MAP4K3: variants seen among roughly 807,000 people sequenced by gnomAD.
MAP4K3 encodes the protein MAPK/ERK kinase kinase kinase 3.
A neutral mutation model predicts 143.5 loss-of-function variants in MAP4K3; 94 were observed. That is an observed-to-expected ratio of 0.65 (90% CI 0.55 to 0.78). The LOEUF (loss-of-function observed/expected upper bound fraction) is 0.78, where lower values mean the gene tolerates loss of function less well. MAP4K3 is among the 30% of genes least tolerant of loss of function. The pLI, the probability that MAP4K3 is intolerant of heterozygous loss-of-function variation, is 0.00. For missense variants in MAP4K3, 1,077 were observed against 1,068.1 expected, an observed-to-expected ratio of 1.01 and a Z score of -0.12; for synonymous variants, 416 against 347.2, an observed-to-expected ratio of 1.20 and a Z score of -2.20.
At position 39,272,317 on chromosome 2, in the gene MAP4K3, G is replaced by C; in HGVS notation, c.1939C>G (p.Pro647Ala). The C allele has an allele frequency of 6.2e-7, 1 of 1,613,656 alleles. No individual in the cohort carries two copies. Among genetic ancestry groups the C allele is most frequent in the Non-Finnish European group, 8.5e-7 (1 of 1,179,744 alleles). The part of the protein sequence containing the change: ...RQMQKLPVAI[P>A]AHKLPDRILP... ...ATTCTGTCAGGGAGTTTGTGTGCTGGAATAGCAACAGGTAACTTTTGCATT... is the reference window on the plus strand; with the variant it reads ...ATTCTGTCAGGGAGTTTGTGTGCTGCAATAGCAACAGGTAACTTTTGCATT... Residue 647 changes from proline to alanine, a missense_variant, in exon 26 of 34, where the codon CCA becomes GCA. Pro to Ala is a conservative substitution (Grantham distance 27). Around this residue, in one of 2 missense-constraint regions of MAP4K3, gnomAD observed 864 missense variants for 801.2 expected, o/e 1.08. Transcript: ENST00000263881.
chr2:39,390,630 T>A (rs2148594835), intron 1 of MAP4K3, among the ~76,000 whole-genome samples: 1 of 152,206 alleles, frequency 6.6e-6, no homozygotes, highest in East Asian at 1.9e-4. Flanking sequence ...TGAGAAAAAG[T>A]CTAGCAACAG....
chr2:39,305,830 AT>A (rs1227094657), intron 15 of MAP4K3, among the ~76,000 whole-genome samples: 11,169 of 144,330 alleles, frequency 0.077, 580 homozygotes, highest in African/African-American at 0.16. Context: ...AGTATTTGTA[AT>A]TTTTTTTTTT....
intron 19 of MAP4K3, among the ~76,000 whole-genome samples, chr2:39,289,294 A>G (rs1573101332): frequency 6.6e-6 from 1 of 152,338 alleles, no homozygotes; most frequent in East Asian, 1.9e-4. Context: ...TACTTGCATG[A>G]ATCAGGATTT....
intron 2 of MAP4K3, among the ~76,000 whole-genome samples, chr2:39,360,544 C>T (rs1047094053): frequency 6.6e-6 from 1 of 152,144 alleles, no homozygotes. Flanking sequence ...AGCAGCACCC[C>T]ACTCCTGGTA....
At chr2:39,290,961 C>T (rs948035882) in intron 18 of MAP4K3, among the ~76,000 whole-genome samples, 6 of 151,964 alleles carry the variant, frequency 3.9e-5, no homozygotes, top group African/African-American at 1.2e-4. Flanking sequence ...TGCCTGTAGT[C>T]CCAGCAGGAG....
chr2:39,384,717 A>C (rs1173843530), intron 1 of MAP4K3, among the ~76,000 whole-genome samples: 2 of 152,242 alleles, frequency 1.3e-5, no homozygotes, highest in African/African-American at 4.8e-5. Flanking sequence ...ATTTTGTTTA[A>C]TTGTACGTGT....
At chr2:39,430,286 A>G (rs1665245746) in intron 1 of MAP4K3, among the ~76,000 whole-genome samples, 1 of 152,196 alleles carries the variant, frequency 6.6e-6, no homozygotes, top group Admixed American at 6.5e-5. Context: ...AGCTTAAACA[A>G]ACAAAATAAG....
intron 2 of MAP4K3, among the ~76,000 whole-genome samples, chr2:39,366,448 A>T (rs1003672517): frequency 6.6e-6 from 1 of 152,234 alleles, no homozygotes; most frequent in African/African-American, 2.4e-5. Context: ...GCGTCTCTTC[A>T]GACGTAAATG....
At chr2:39,369,052 G>C (rs1210076097) in intron 2 of MAP4K3, among the ~76,000 whole-genome samples, 1 of 152,032 alleles carries the variant, frequency 6.6e-6, no homozygotes, top group African/African-American at 2.4e-5. Flanking sequence ...ACAGTAACAT[G>C]TCTTCTCACC....
At chr2:39,378,173 AGT>A in intron 1 of MAP4K3, 50 bp from the exon 2 acceptor site, 1 of 1,053,822 alleles carries the variant, frequency 9.5e-7, no homozygotes, top group Non-Finnish European at 1.4e-6. Context: ...TTTCATAAAA[AGT>A]GTATAAAATT....
chr2:39,263,426 T>C (rs1389207332), intron 28 of MAP4K3, among the ~76,000 whole-genome samples: 2 of 137,932 alleles, frequency 1.4e-5, no homozygotes, highest in African/African-American at 5.4e-5. Context: ...GCGCCCACCA[T>C]CACGCCCGGC....
intron 33 of MAP4K3, among the ~76,000 whole-genome samples, chr2:39,251,627 G>T (rs745465060): frequency 1.3e-5 from 2 of 152,302 alleles, no homozygotes; most frequent in East Asian, 3.9e-4. Context: ...AACTAGTACT[G>T]ACAGATCCAT....
intron 24 of MAP4K3, among the ~76,000 whole-genome samples, chr2:39,275,590 T>G (rs1466236971): frequency 6.6e-6 from 1 of 152,214 alleles, no homozygotes; most frequent in Non-Finnish European, 1.5e-5. Flanking sequence ...GTTACCAATA[T>G]TATTTTTGGA....
chr2:39,251,920 T>C, intron 32 of MAP4K3, 35 bp from the exon 33 acceptor site: 9 of 1,520,078 alleles, frequency 5.9e-6, no homozygotes, highest in Non-Finnish European at 8.2e-6. Context: ...ATTTCTGAAA[T>C]TAAAGACACA....
rs1337210009 is a variant in MAP4K3 at position 39,325,592 on chromosome 2, C to T, written c.844G>A (p.Ala282Thr). ...FVTQHLTRSLAIELLDKVNNP... is the reference protein window; with the variant it reads ...FVTQHLTRSLTIELLDKVNNP... Reference sequence around the variant, plus strand: ...TTTACTTTATCCAACAGCTCGATTGCCAAAGACCGTGTCAAATGTTGTGTT... The same window carrying T: ...TTTACTTTATCCAACAGCTCGATTGTCAAAGACCGTGTCAAATGTTGTGTT... Residue 282 changes from alanine to threonine, a missense_variant, in exon 12 of 34, where the codon GCA becomes ACA. Coordinates refer to ENST00000263881, the MANE Select transcript of MAP4K3 (RefSeq NM_003618.4). 6.2e-7 allele frequency: 1 copy of T among 1,613,132 alleles called. No individual in the cohort carries two copies. The highest frequency in any genetic ancestry group is 1.7e-5 in the Admixed American group (1 of 60,000).
chr2:39,288,089 G>A (rs1174238851), intron 20 of MAP4K3, 32 bp downstream of exon 20: 2 of 1,610,424 alleles, frequency 1.2e-6, no homozygotes, highest in South Asian at 2.2e-5. Flanking sequence ...TGAAAACCTG[G>A]TAACATATTT....
chr2:39,404,090 T>C (rs1667026147), intron 1 of MAP4K3, among the ~76,000 whole-genome samples: 1 of 151,982 alleles, frequency 6.6e-6, no homozygotes, highest in African/African-American at 2.4e-5. Flanking sequence ...CCAGGTAGTA[T>C]GCTGTGAGTC....
At chr2:39,293,298 A>C in intron 16 of MAP4K3, 30 bp from the exon 17 acceptor site, 1 of 1,285,670 alleles carries the variant, frequency 7.8e-7, no homozygotes, top group Non-Finnish European at 1.1e-6. Context: ...ACAAAAAATA[A>C]TGTGAATAAA....
At chr2:39,433,685 G>C (rs2148641125) in intron 1 of MAP4K3, among the ~76,000 whole-genome samples, 1 of 151,956 alleles carries the variant, frequency 6.6e-6, no homozygotes, top group Admixed American at 6.6e-5. Flanking sequence ...GCACTCCATG[G>C]GCCTCCTGAG....
Sources: gnomAD v4.1 joint callset for allele counts (sites outside exome capture counted in the v4.1 genomes callset) on GRCh38, gnomAD v4.1.1 for gene constraint, gnomAD v4.1.1 regional missense constraint, MANE v1.5 for transcripts, NCBI Gene and HGNC (gene_info 2026-07-23, HGNC 2026-07-21) for gene names.